The following MACROD2 variants were observed in gnomAD, a reference collection of about 807,000 sequenced individuals.
MACROD2 encodes the protein mono-ADP ribosylhydrolase 2.
Under a neutral mutation model 70.4 loss-of-function variants are expected in MACROD2, and 36 were observed. That is an observed-to-expected ratio of 0.51 (90% CI 0.39 to 0.68). The LOEUF is 0.68. Ranked by LOEUF, MACROD2 falls within the 30% of genes least tolerant of loss-of-function variation. The probability of loss-of-function intolerance (pLI) is 0.00; values close to 1 mark genes in which losing one functional copy is unlikely to be tolerated. For synonymous variants in MACROD2, 172 were observed against 178.8 expected (o/e 0.96, Z 0.30); for missense variants, 496 against 538.4 (o/e 0.92, Z 0.78).
At chr20:14,203,469 G>A (rs1331251417) in intron 3 of MACROD2, among the ~76,000 whole-genome samples, 7 of 151,624 alleles carry the variant, frequency 4.6e-5, no homozygotes, top group African/African-American at 1.5e-4. Flanking sequence ...TGTGTTTCTT[G>A]TGTCCTTCTG....
intron 8 of MACROD2, among the ~76,000 whole-genome samples, chr20:15,749,730 G>A (rs1230087259): frequency 6.6e-6 from 1 of 152,040 alleles, no homozygotes; most frequent in Non-Finnish European, 1.5e-5. Flanking sequence ...TACAAAATGA[G>A]AAGTGATTAC....
intron 5 of MACROD2, among the ~76,000 whole-genome samples, chr20:14,698,811 T>A: frequency 6.7e-6 from 1 of 149,542 alleles, no homozygotes; most frequent in East Asian, 2.0e-4. Flanking sequence ...TTAATAAATT[T>A]AGTATAATTT....
chr20:14,058,864 G>A (rs1260657277), intron 2 of MACROD2, among the ~76,000 whole-genome samples: 1 of 151,908 alleles, frequency 6.6e-6, no homozygotes, highest in Non-Finnish European at 1.5e-5. Flanking sequence ...GGATGGTCTC[G>A]ATCTCTTGAC....
At chr20:15,770,963 A>G (rs1162756473) in intron 8 of MACROD2, among the ~76,000 whole-genome samples, 1 of 152,208 alleles carries the variant, frequency 6.6e-6, no homozygotes, top group Non-Finnish European at 1.5e-5. Context: ...ATCAATGAGG[A>G]ATGAGAGTGT....
Position 15,566,302 on chromosome 20 carries a change from G to A in MACROD2, c.645+66455G>A, listed in dbSNP as rs11906861. Reference sequence around the variant, plus strand: ...AGTTCAAGACCAGCCTGGCCAACATGGCGAAACCCACCCCCCACCGTCTCT... The same window carrying A: ...AGTTCAAGACCAGCCTGGCCAACATAGCGAAACCCACCCCCCACCGTCTCT... On this transcript the variant is annotated intron_variant, in intron 8 of 17. Transcript: ENST00000684519. Among the ~76,000 whole-genome samples, 722 of 151,872 alleles carry A rather than the reference G, an allele frequency of 4.8e-3. 5 individuals are homozygous for A. Among genetic ancestry groups the A allele is most frequent in the African/African-American group, 0.016 (676 of 41,354 alleles).
intron 5 of MACROD2, among the ~76,000 whole-genome samples, chr20:14,717,756 T>C (rs2071413313): frequency 6.6e-6 from 1 of 151,992 alleles, no homozygotes; most frequent in South Asian, 2.1e-4. Context: ...TTGGAAGTGG[T>C]TTTCCATTAC....
At chr20:15,577,043 G>A (rs2048457907) in intron 8 of MACROD2, among the ~76,000 whole-genome samples, 1 of 152,006 alleles carries the variant, frequency 6.6e-6, no homozygotes. Context: ...TGCAAAATGG[G>A]CTTTGTTGAT....
intron 5 of MACROD2, among the ~76,000 whole-genome samples, chr20:14,872,411 A>G (rs1396829498): frequency 6.6e-6 from 1 of 152,102 alleles, no homozygotes; most frequent in East Asian, 1.9e-4. Context: ...CTACGTGCTC[A>G]GGAGGGAAAA....
intron 5 of MACROD2, chr20:14,758,013 T>G (rs1198963936): frequency 4.0e-6 from 3 of 748,054 alleles, no homozygotes; most frequent in Non-Finnish European, 4.8e-6. Context: ...GAATTCCAGT[T>G]TAGAGGCGAA....
Position 15,652,571 on chromosome 20 carries a change from G to T in MACROD2, c.645+152724G>T, listed in dbSNP as rs1209698227. ...GGTGACTTATTTCTATGTCAGCCTT[G>T]CAGTGGACACTATTAACATTTGGGC... On this transcript the variant is annotated intron_variant, in intron 8 of 17. Transcript: ENST00000684519. Among the ~76,000 whole-genome samples, 4 of 152,272 alleles carry T rather than the reference G, an allele frequency of 2.6e-5. No homozygotes were observed. In the East Asian group the frequency reaches 7.7e-4, roughly 29 times the overall value.
chr20:15,519,806 C>T (rs2047626682), intron 8 of MACROD2, among the ~76,000 whole-genome samples: 1 of 152,170 alleles, frequency 6.6e-6, no homozygotes, highest in Non-Finnish European at 1.5e-5. Flanking sequence ...CTGGTTTGCA[C>T]TAGGTTGGAG....
intron 3 of MACROD2, among the ~76,000 whole-genome samples, chr20:14,465,550 T>C (rs548030820): frequency 1.3e-5 from 2 of 152,198 alleles, no homozygotes; most frequent in East Asian, 3.9e-4. Flanking sequence ...GTTAGTATTG[T>C]TATGTGTGAA....
At chr20:14,642,316 A>T (rs1985138720) in intron 4 of MACROD2, among the ~76,000 whole-genome samples, 1 of 152,054 alleles carries the variant, frequency 6.6e-6, no homozygotes, top group Non-Finnish European at 1.5e-5. Context: ...TTCTATCCAG[A>T]CCACTCACAC....
At chr20:16,041,130 A>G in intron 15 of MACROD2, 71 bp from the exon 16 acceptor site, 2 of 1,287,344 alleles carry the variant, frequency 1.6e-6, no homozygotes, top group Non-Finnish European at 2.2e-6. Flanking sequence ...ATGGAGGGTG[A>G]CAGAAATGAT....
At chr20:15,904,551 A>G (rs1474895987) in intron 10 of MACROD2, among the ~76,000 whole-genome samples, 2 of 151,976 alleles carry the variant, frequency 1.3e-5, no homozygotes, top group African/African-American at 4.8e-5. Context: ...AGGAATGATC[A>G]TGTAATTGCT....
intron 6 of MACROD2, among the ~76,000 whole-genome samples, chr20:15,262,533 T>A (rs138397080): frequency 6.6e-6 from 1 of 152,080 alleles, no homozygotes; most frequent in Non-Finnish European, 1.5e-5. Context: ...CCTTTTGATA[T>A]ACTGATTTCC....
Position 14,367,830 on chromosome 20 carries a change from C to T in MACROD2, c.272-125649C>T, listed in dbSNP as rs1372622708. 5.3e-5 allele frequency among the ~76,000 whole-genome samples: 8 copies of T among 152,034 alleles called. No individual in the cohort carries two copies. In the East Asian group the frequency reaches 1.5e-3, roughly 29 times the overall value. On this transcript the variant is annotated intron_variant, in intron 3 of 17. Coordinates refer to ENST00000684519, the MANE Select transcript of MACROD2 (RefSeq NM_001351661.2). ...GTATTTTTCAAATTTGGAAAGTGCT[C>T]AGCCATTATCTTTACAAATTCTGTC...
intron 8 of MACROD2, among the ~76,000 whole-genome samples, chr20:15,721,649 A>T (rs1003404349): frequency 1.3e-5 from 2 of 152,160 alleles, no homozygotes; most frequent in Non-Finnish European, 2.9e-5. Context: ...CACAAATGAG[A>T]ATGATTTTAT....
At chr20:15,673,768 G>T (rs1453930888) in intron 8 of MACROD2, among the ~76,000 whole-genome samples, 3 of 138,650 alleles carry the variant, frequency 2.2e-5, no homozygotes, top group African/African-American at 7.8e-5. Flanking sequence ...ATTACTGGTT[G>T]CTCAGTAGGG....
Sources: gnomAD v4.1 joint callset for allele counts (sites outside exome capture counted in the v4.1 genomes callset) on GRCh38, gnomAD v4.1.1 for gene constraint, MANE v1.5 for transcripts, NCBI Gene and HGNC (gene_info 2026-07-23, HGNC 2026-07-21) for gene names.